Variants in PBX3 observed in about 807,000 individuals in gnomAD.
PBX3 encodes the protein PBX homeobox 3, also known as pre-B-cell leukemia transcription factor 3.
In PBX3, 14 loss-of-function variants were observed where a neutral mutation model predicts 48.5. The ratio of observed to expected loss-of-function variants is 0.29; its 90% CI spans 0.19 to 0.45. PBX3 has a LOEUF of 0.45. Among genes scored for constraint, PBX3 ranks in the 20% least tolerant of loss-of-function variants. The pLI is 1.00. For missense variants in PBX3, 386 were observed against 546.7 expected (o/e 0.71, Z 2.93); for synonymous variants, 210 against 200.3 (o/e 1.05, Z -0.41).
chr9:125,747,608 A>C lies in PBX3; in HGVS notation c.155A>C (p.Gln52Pro). 6.2e-7 allele frequency: 1 copy of C among 1,604,636 alleles called. No homozygotes were observed. The highest frequency in any genetic ancestry group is 8.5e-7 in the Non-Finnish European group (1 of 1,175,682). The stretch of plus-strand genomic sequence containing the variant: ...CAGGACATCGGCGACATCCTCCACC[A>C]GATCATGACCATCACCGACCAGAGC... Reference protein sequence around the residue: ...RKQDIGDILHQIMTITDQSLD... With the variant: ...RKQDIGDILHPIMTITDQSLD... Residue 52 changes from glutamine to proline, a missense_variant, in exon 1 of 9, where the codon CAG (glutamine) becomes CCG (proline). This residue lies in a region of PBX3 where 116 missense variants were observed against 98.2 expected (regional missense o/e 1.18). Transcript: ENST00000373489.
At chr9:125,805,487 T>G (rs1210120606) in intron 2 of PBX3, among the ~76,000 whole-genome samples, 1 of 152,170 alleles carries the variant, frequency 6.6e-6, no homozygotes, top group Non-Finnish European at 1.5e-5. Flanking sequence ...GAATGGATTT[T>G]AGGAGGCCAA....
At chr9:125,776,879 G>C (rs1256597325) in intron 2 of PBX3, among the ~76,000 whole-genome samples, 1 of 152,152 alleles carries the variant, frequency 6.6e-6, no homozygotes, top group African/African-American at 2.4e-5. Flanking sequence ...CATGGAATCA[G>C]ATAGAAGTAT....
At chr9:125,831,792 T>C (rs1838969305) in intron 2 of PBX3, among the ~76,000 whole-genome samples, 1 of 152,212 alleles carries the variant, frequency 6.6e-6, no homozygotes, top group Non-Finnish European at 1.5e-5. Flanking sequence ...TCAAGTTGGC[T>C]CCTGTGTCCT....
intron 2 of PBX3, among the ~76,000 whole-genome samples, chr9:125,777,049 G>T (rs10986905): frequency 6.7e-6 from 1 of 148,984 alleles, no homozygotes; most frequent in Non-Finnish European, 1.5e-5. Flanking sequence ...TCTGTCACCA[G>T]GCTGGAGTGC....
intron 2 of PBX3, among the ~76,000 whole-genome samples, chr9:125,891,034 C>T (rs1447795111): frequency 6.6e-6 from 1 of 152,194 alleles, no homozygotes; most frequent in Non-Finnish European, 1.5e-5. Flanking sequence ...TTAGCTCTGT[C>T]CTAGCCAAAG....
At chr9:125,885,798 ATGTG>A (rs10564495) in intron 2 of PBX3, among the ~76,000 whole-genome samples, 475 of 150,108 alleles carry the variant, frequency 3.2e-3, no homozygotes, top group Non-Finnish European at 5.3e-3. Flanking sequence ...ACTGTAGGGG[ATGTG>A]TGTGTGTGTG....
At chr9:125,770,298 C>T (rs1836908631) in intron 2 of PBX3, among the ~76,000 whole-genome samples, 1 of 152,128 alleles carries the variant, frequency 6.6e-6, no homozygotes, top group Admixed American at 6.5e-5. Flanking sequence ...TGAAAAAAAT[C>T]TCCAGAGTAA....
intron 2 of PBX3, among the ~76,000 whole-genome samples, chr9:125,904,723 T>C (rs897034603): frequency 2.6e-5 from 4 of 151,864 alleles, no homozygotes; most frequent in African/African-American, 9.7e-5. Context: ...CACTGGGTAT[T>C]GACAGGGTGA....
rs1842551882 is a variant in PBX3 at position 125,967,182 on chromosome 9, C to A, written c.*1259C>A. 1 of 152,262 alleles carries A rather than the reference C, an allele frequency of 6.6e-6. No individual in the cohort carries two copies. Among genetic ancestry groups the A allele is most frequent in the South Asian group, 2.1e-4 (1 of 4,818 alleles). 9.4% of individuals were successfully genotyped at this position (152,262 alleles called of 1,614,324 possible). A position where few individuals can be genotyped will look rare whatever the true frequency, so the allele number is the denominator to read the frequency against. On this transcript the variant is annotated 3_prime_UTR_variant, in exon 9 of 9. Coordinates refer to ENST00000373489, the MANE Select transcript of PBX3 (RefSeq NM_006195.6). ...CACCCTGTGTAATGGGGCCCCCTCT[C>A]CTTTCTCTCTTTTTGTATTGTATGC...
At chr9:125,753,619 C>T (rs1836432578) in intron 2 of PBX3, among the ~76,000 whole-genome samples, 1 of 151,756 alleles carries the variant, frequency 6.6e-6, no homozygotes, top group South Asian at 2.1e-4. Flanking sequence ...TTCTTTTGTT[C>T]CTTAGTTTTA....
chr9:125,966,005 A>G lies in PBX3; in HGVS notation c.*82A>G, dbSNP rs1842524098. 6.3e-6 allele frequency: 6 copies of G among 959,766 alleles called. No individual in the cohort carries two copies. In the East Asian group the frequency reaches 1.2e-4, roughly 19 times the overall value. The allele number at this position is 959,766 out of a possible 1,614,324, so 59.5% of individuals were successfully genotyped here. A position where few individuals can be genotyped will look rare whatever the true frequency, so the allele number is the denominator to read the frequency against. Reference sequence around the variant, plus strand: ...AGGAGGAAAAGGAAAGCGTTTTTGTAGCCCACCATCTACAGCTTTACTGTA... The same window carrying G: ...AGGAGGAAAAGGAAAGCGTTTTTGTGGCCCACCATCTACAGCTTTACTGTA... On this transcript the variant is annotated 3_prime_UTR_variant, in exon 9 of 9. Coordinates refer to ENST00000373489, the MANE Select transcript of PBX3 (RefSeq NM_006195.6).
chr9:125,868,179 G>GGTT (rs531205532), intron 2 of PBX3, among the ~76,000 whole-genome samples: 1 of 147,410 alleles, frequency 6.8e-6, no homozygotes, highest in African/African-American at 2.5e-5. Context: ...CCAGACTGCA[G>GGTT]TTTTTTTTTT....
chr9:125,842,987 TG>T (rs1188688055), intron 2 of PBX3, among the ~76,000 whole-genome samples: 1 of 152,184 alleles, frequency 6.6e-6, no homozygotes, highest in Non-Finnish European at 1.5e-5. Context: ...TGAGTTTTGC[TG>T]AGGCTATCCT....
intron 2 of PBX3, among the ~76,000 whole-genome samples, chr9:125,762,021 T>C (rs1241875541): frequency 6.6e-6 from 1 of 152,228 alleles, no homozygotes; most frequent in Non-Finnish European, 1.5e-5. Flanking sequence ...ATAGGACATA[T>C]GATTACAGTA....
intron 2 of PBX3, among the ~76,000 whole-genome samples, chr9:125,808,667 A>C (rs1481976855): frequency 2.0e-5 from 3 of 152,132 alleles, no homozygotes; most frequent in African/African-American, 7.2e-5. Flanking sequence ...CCCAATCTCA[A>C]AATAAAATAA....
intron 3 of PBX3, among the ~76,000 whole-genome samples, chr9:125,924,557 T>C (rs1246468181): frequency 6.6e-6 from 1 of 152,248 alleles, no homozygotes; most frequent in African/African-American, 2.4e-5. Flanking sequence ...TTATTTAAGA[T>C]CACTGGTCTG....
chr9:125,767,024 C>T (rs1437653213), intron 2 of PBX3, among the ~76,000 whole-genome samples: 2 of 152,170 alleles, frequency 1.3e-5, no homozygotes, highest in African/African-American at 4.8e-5. Flanking sequence ...GAACTGTTTA[C>T]TTCCTATTTT....
At chr9:125,791,293 G>GTCTA (rs1257366822) in intron 2 of PBX3, among the ~76,000 whole-genome samples, 13 of 127,806 alleles carry the variant, frequency 1.0e-4, no homozygotes, top group South Asian at 2.6e-4. Context: ...CTGTCTGTCT[G>GTCTA]TCTGTCTGTC....
chr9:125,780,393 GC>G, intron 2 of PBX3, among the ~76,000 whole-genome samples: 1 of 121,252 alleles, frequency 8.2e-6, no homozygotes, highest in Non-Finnish European at 1.7e-5. Flanking sequence ...CCCAGACGGG[GC>G]GGCTGGCCGG....
Sources: gnomAD v4.1 joint callset for allele counts (sites outside exome capture counted in the v4.1 genomes callset) on GRCh38, gnomAD v4.1.1 for gene constraint, gnomAD v4.1.1 regional missense constraint, MANE v1.5 for transcripts, NCBI Gene and HGNC (gene_info 2026-07-23, HGNC 2026-07-21) for gene names.